Variants in PAFAH1B1 observed in about 807,000 individuals in gnomAD.
PAFAH1B1 encodes platelet activating factor acetylhydrolase 1b regulatory subunit 1, also known as platelet-activating factor acetylhydrolase IB subunit beta.
In PAFAH1B1, 2 loss-of-function variants were observed where a neutral mutation model predicts 57.5. The ratio of observed to expected loss-of-function variants is 0.03; its 90% confidence interval spans 0.01 to 0.11. PAFAH1B1 has a LOEUF of 0.11. Ranked by LOEUF, PAFAH1B1 falls within the 10% of genes least tolerant of loss-of-function variation. The pLI is 1.00. For synonymous variants in PAFAH1B1, 152 were observed against 169.6 expected, an observed-to-expected ratio of 0.90 and a Z score of 0.81; for missense variants, 257 against 512.0, an observed-to-expected ratio of 0.50 and a Z score of 4.81.
chr17:2,621,884 A>C (rs2068429246), intron 1 of PAFAH1B1, among the ~76,000 whole-genome samples: 1 of 152,180 alleles, frequency 6.6e-6, no homozygotes, highest in Non-Finnish European at 1.5e-5. Flanking sequence ...AAAGAGGTTT[A>C]ATTGGACTTA....
chr17:2,647,786 T>TG (rs2068788570), intron 2 of PAFAH1B1, among the ~76,000 whole-genome samples: 1 of 151,392 alleles, frequency 6.6e-6, no homozygotes, highest in African/African-American at 2.4e-5. Flanking sequence ...GGGTGGATCA[T>TG]GGGGTCAGGT....
chr17:2,623,961 G>A (rs146263003), intron 1 of PAFAH1B1, among the ~76,000 whole-genome samples: 7 of 152,258 alleles, frequency 4.6e-5, no homozygotes, highest in African/African-American at 1.4e-4. Context: ...CTTTGAAAAC[G>A]AAATACTTTT....
At chr17:2,679,152 G>A (rs78134693) in intron 9 of PAFAH1B1, among the ~76,000 whole-genome samples, 8,470 of 152,254 alleles carry the variant, frequency 0.056, 364 homozygotes, top group Non-Finnish European at 0.09. Context: ...TGCCCCTTAA[G>A]GTAGCTTTGT....
In PAFAH1B1 at chr17:2,679,962, A is replaced by G. The variant is rs908404960; in HGVS notation, c.1003-202A>G. On this transcript the variant is annotated intron_variant, in intron 9 of 10. Coordinates refer to ENST00000397195, the MANE Select transcript of PAFAH1B1 (RefSeq NM_000430.4). ...CGGGACTTCTTTTTAACCCTCATCCAGGACCCAGTCAGGGATCGTACGTTA... is the reference window on the plus strand; with the variant it reads ...CGGGACTTCTTTTTAACCCTCATCCGGGACCCAGTCAGGGATCGTACGTTA... The G allele has an allele frequency of 6.8e-6, 4 of 587,152 alleles. No homozygotes were observed. In the African/African-American group the frequency reaches 7.5e-5, roughly 11 times the overall value. 36.4% of individuals were successfully genotyped at this position (587,152 alleles called of 1,614,324 possible). A position where few individuals can be genotyped will look rare whatever the true frequency, so the allele number is the denominator to read the frequency against.
At chr17:2,613,514 A>G in intron 1 of PAFAH1B1, 1 of 253,814 alleles carries the variant, frequency 3.9e-6, no homozygotes, top group Non-Finnish European at 8.0e-6. Context: ...GATGTGGCCC[A>G]GGCGCCTGGC....
intron 1 of PAFAH1B1, among the ~76,000 whole-genome samples, chr17:2,603,518 G>T (rs1173718370): frequency 2.0e-5 from 3 of 152,100 alleles, no homozygotes; most frequent in Admixed American, 6.5e-5. Context: ...CTACTTGGGA[G>T]GCTGAGGCAG....
intron 5 of PAFAH1B1, among the ~76,000 whole-genome samples, chr17:2,668,540 A>G (rs1389981964): frequency 2.0e-5 from 3 of 151,878 alleles, no homozygotes; most frequent in African/African-American, 4.8e-5. Flanking sequence ...TTAGCCAGGT[A>G]TGGTGGTGCA....
intron 1 of PAFAH1B1, among the ~76,000 whole-genome samples, chr17:2,612,962 A>G (rs1216299976): frequency 6.6e-6 from 1 of 151,710 alleles, no homozygotes; most frequent in Non-Finnish European, 1.5e-5. Context: ...TTGTTTTTTC[A>G]ATTTTTAGTG....
chr17:2,636,921 G>A (rs9911447), intron 1 of PAFAH1B1, among the ~76,000 whole-genome samples: 43,378 of 151,718 alleles, frequency 0.29, 6,375 homozygotes, highest in Middle Eastern at 0.36. Flanking sequence ...GGGGTCTCCT[G>A]TGTTTCCCAG....
intron 1 of PAFAH1B1, among the ~76,000 whole-genome samples, chr17:2,602,135 T>TA (rs910876419): frequency 2.0e-4 from 30 of 150,792 alleles, no homozygotes; most frequent in East Asian, 5.8e-4. Context: ...AACGTAAAGA[T>TA]AAAAAAAAAC....
At chr17:2,669,905 C>A (rs1345321381) in intron 5 of PAFAH1B1, among the ~76,000 whole-genome samples, 1 of 152,090 alleles carries the variant, frequency 6.6e-6, no homozygotes, top group Non-Finnish European at 1.5e-5. Context: ...TATACCTTAT[C>A]ACTATTACAG....
chr17:2,654,308 A>T (rs952943310), intron 2 of PAFAH1B1, among the ~76,000 whole-genome samples: 2 of 148,152 alleles, frequency 1.3e-5, no homozygotes, highest in South Asian at 2.1e-4. Flanking sequence ...TCCTGCCTCA[A>T]CCTCCTGAAT....
chr17:2,671,876 T>C (rs556720127), intron 6 of PAFAH1B1, among the ~76,000 whole-genome samples: 1 of 152,162 alleles, frequency 6.6e-6, no homozygotes, highest in African/African-American at 2.4e-5. Flanking sequence ...GTGCTGGGAT[T>C]ACAGGCATGA....
chr17:2,635,953 C>CAAAAAAAAAAAAAAAAA (rs560825633), intron 1 of PAFAH1B1, among the ~76,000 whole-genome samples: 1 of 70,872 alleles, frequency 1.4e-5, no homozygotes, highest in African/African-American at 5.1e-5. Flanking sequence ...TAGAAAAATA[C>CAAAAAAAAAAAAAAAAA]AAAAAAAAAA....
At chr17:2,596,917 C>T (rs1276652633) in intron 1 of PAFAH1B1, among the ~76,000 whole-genome samples, 2 of 152,024 alleles carry the variant, frequency 1.3e-5, no homozygotes, top group Non-Finnish European at 2.9e-5. Flanking sequence ...AAAAATTAGC[C>T]ATGTCTTGTG....
Position 2,683,887 on chromosome 17 carries a change from ATGTCT to A in PAFAH1B1, c.*2089_*2093del, listed in dbSNP as rs1381490412. The A allele has an allele frequency of 1.3e-5, 2 of 152,668 alleles. No homozygotes were observed. Among genetic ancestry groups the A allele is most frequent in the Non-Finnish European group, 1.5e-5 (1 of 68,046 alleles). 9.5% of individuals were successfully genotyped at this position (152,668 alleles called of 1,614,324 possible). On this transcript the variant is annotated 3_prime_UTR_variant, in exon 11 of 11. Transcript: ENST00000397195. ...TTAACATTTGTTTGTACATGTATAA[ATGTCT>A]TGTATTTTAATTCATTTTTAGCATG...
At chr17:2,680,687 T>C (rs1409072228) in intron 10 of PAFAH1B1, among the ~76,000 whole-genome samples, 1 of 152,174 alleles carries the variant, frequency 6.6e-6, no homozygotes, top group Admixed American at 6.5e-5. Context: ...TATCAGATAC[T>C]AGAAACTCAG....
chr17:2,645,985 G>T (rs1431035671), intron 2 of PAFAH1B1, among the ~76,000 whole-genome samples: 1 of 151,880 alleles, frequency 6.6e-6, no homozygotes, highest in African/African-American at 2.4e-5. Flanking sequence ...AATAATGAGG[G>T]TACTGATAAC....
intron 2 of PAFAH1B1, chr17:2,641,266 C>G (rs991173374): frequency 6.6e-6 from 1 of 152,424 alleles, no homozygotes; most frequent in Non-Finnish European, 1.5e-5. Context: ...TCAAGCGATT[C>G]TCCTGCCTCA....
Sources: allele counts gnomAD v4.1 joint callset (sites outside exome capture counted in the v4.1 genomes callset), GRCh38; gene constraint gnomAD v4.1.1; transcripts MANE v1.5; gene names NCBI Gene and HGNC (gene_info 2026-07-23, HGNC 2026-07-21).